Variants in UQCC1 observed in about 807,000 individuals in gnomAD.
The protein encoded by UQCC1 is bFGF-repressed Zic-binding protein.
A neutral mutation model predicts 48.0 loss-of-function variants in UQCC1; 38 were observed. That is an observed-to-expected ratio of 0.79 (90% CI 0.61 to 1.04). UQCC1 has a LOEUF of 1.04. Among genes scored for constraint, UQCC1 ranks in the 50% least tolerant of loss-of-function variants. UQCC1 has a pLI of 0.00. For missense variants in UQCC1, 368 were observed against 381.8 expected (o/e 0.96, Z 0.30); for synonymous variants, 111 against 129.2 (o/e 0.86, Z 0.95).
intron 7 of UQCC1, among the ~76,000 whole-genome samples, chr20:35,321,595 G>T (rs2061130844): frequency 6.6e-6 from 1 of 152,116 alleles, no homozygotes; most frequent in Non-Finnish European, 1.5e-5. Flanking sequence ...TGGCTTACGT[G>T]TATAATCCCC....
chr20:35,324,606 G>A (rs1015863508), intron 7 of UQCC1, among the ~76,000 whole-genome samples: 7 of 152,232 alleles, frequency 4.6e-5, no homozygotes, highest in African/African-American at 9.6e-5. Flanking sequence ...GATTACAGGC[G>A]TGAGCCACCG....
rs1386867521 is a variant in UQCC1, at chr20:35,347,199, A to G, written c.538T>C (p.Trp180Arg). 1 of 1,613,950 alleles carries G rather than the reference A, an allele frequency of 6.2e-7. No individual in the cohort carries two copies. The highest frequency in any genetic ancestry group is 8.5e-7 in the Non-Finnish European group (1 of 1,180,022). ...CTGCCGCGCTGCTGAACATCCTCCCACATAAAATGAACTATGATACGACAC... is the reference window on the plus strand; with the variant it reads ...CTGCCGCGCTGCTGAACATCCTCCCGCATAAAATGAACTATGATACGACAC... ...YMCRIIVHFM[W>R]EDVQQRGRVM... is the part of the protein sequence containing the mutation. Residue 180 changes from tryptophan (W) to arginine (R), a missense_variant, in exon 7 of 10, where the codon TGG becomes CGG. Coordinates refer to ENST00000374385, the MANE Select transcript of UQCC1 (RefSeq NM_018244.5).
intron 7 of UQCC1, among the ~76,000 whole-genome samples, chr20:35,327,030 G>A (rs2061202805): frequency 1.3e-5 from 2 of 152,112 alleles, no homozygotes; most frequent in African/African-American, 2.4e-5. Context: ...CTTTCCCAGC[G>A]ATCCTAAAAT....
chr20:35,386,385 T>C (rs1266379343), intron 2 of UQCC1: 1 of 447,480 alleles, frequency 2.2e-6, no homozygotes. Flanking sequence ...TTTTTTTCTT[T>C]AACCCTAACG....
intron 4 of UQCC1, among the ~76,000 whole-genome samples, chr20:35,378,613 G>C (rs1451553397): frequency 1.3e-5 from 2 of 152,046 alleles, no homozygotes; most frequent in Non-Finnish European, 2.9e-5. Context: ...CTGGGCGACA[G>C]AGCGAGACTC....
chr20:35,398,627 C>T (rs187579940), intron 1 of UQCC1, among the ~76,000 whole-genome samples: 65 of 152,024 alleles, frequency 4.3e-4, no homozygotes, highest in African/African-American at 1.4e-3. Flanking sequence ...AAGTGAGAGA[C>T]AGTTACTGGT....
intron 9 of UQCC1, among the ~76,000 whole-genome samples, chr20:35,305,738 C>A (rs2060921476): frequency 1.3e-5 from 2 of 152,222 alleles, no homozygotes; most frequent in Non-Finnish European, 2.9e-5. Flanking sequence ...TGAAGTCCAG[C>A]CTTGCCTTTC....
At chr20:35,368,129 G>T (rs900891995) in intron 5 of UQCC1, among the ~76,000 whole-genome samples, 4 of 152,216 alleles carry the variant, frequency 2.6e-5, no homozygotes, top group African/African-American at 9.6e-5. Context: ...AATGACTCAA[G>T]AAAGAAGCGC....
chr20:35,376,275 T>C (rs1386613826), intron 4 of UQCC1, among the ~76,000 whole-genome samples: 1 of 151,802 alleles, frequency 6.6e-6, no homozygotes, highest in Non-Finnish European at 1.5e-5. Context: ...GCCACTGCAC[T>C]CCAGCCTGGG....
At chr20:35,321,779 T>C (rs758426109) in intron 7 of UQCC1, among the ~76,000 whole-genome samples, 1 of 152,222 alleles carries the variant, frequency 6.6e-6, no homozygotes, top group Non-Finnish European at 1.5e-5. Context: ...CAAGACTGCA[T>C]AGCCTGATAA....
intron 9 of UQCC1, among the ~76,000 whole-genome samples, chr20:35,304,862 C>T (rs924638412): frequency 6.6e-6 from 1 of 152,210 alleles, no homozygotes; most frequent in African/African-American, 2.4e-5. Context: ...TGAACTCAAC[C>T]CCAGCCTCTC....
chr20:35,393,786 A>G (rs747874115), intron 2 of UQCC1, among the ~76,000 whole-genome samples: 3 of 152,102 alleles, frequency 2.0e-5, no homozygotes, highest in Non-Finnish European at 4.4e-5. Context: ...AAGTAGCACA[A>G]GATGGCCACA....
At chr20:35,394,295 T>G (rs1041479434) in intron 1 of UQCC1, 99 bp from the exon 2 acceptor site, 5 of 1,103,064 alleles carry the variant, frequency 4.5e-6, no homozygotes, top group African/African-American at 1.6e-5. Context: ...ATTAGAAATA[T>G]ATATTTGGCC....
chr20:35,391,722 TC>T (rs1340623139), intron 2 of UQCC1, among the ~76,000 whole-genome samples: 3 of 99,506 alleles, frequency 3.0e-5, no homozygotes, highest in Non-Finnish European at 7.0e-5. Context: ...AAAAGGACAT[TC>T]ATAAAAAAAA....
chr20:35,363,668 C>T (rs893974387), intron 6 of UQCC1, among the ~76,000 whole-genome samples: 2 of 152,156 alleles, frequency 1.3e-5, no homozygotes, highest in African/African-American at 4.8e-5. Flanking sequence ...TGTCAGCGAC[C>T]AGGGTATTTT....
Position 35,384,129 on chromosome 20 carries a change from G to A in UQCC1, c.134C>T (p.Pro45Leu), listed in dbSNP as rs773953034. ...ACATGCTCGGGACTGGCTCATCTGG[G>A]GCCACTGAAGAATAAAAACACAGAT... ...DRALSRTSQWPQMSQSRACGG... is the reference protein window; with the variant it reads ...DRALSRTSQWLQMSQSRACGG... The change falls in exon 3 of 10, where the codon CCC becomes CTC. Residue 45 changes from proline (P) to leucine (L), a missense_variant. Pro to Leu is a moderately conservative substitution (Grantham distance 98). Coordinates refer to ENST00000374385, the MANE Select transcript of UQCC1 (RefSeq NM_018244.5). The A allele has an allele frequency of 2.5e-5, 40 of 1,611,176 alleles. No individual in the cohort carries two copies. Among genetic ancestry groups the A allele is most frequent in the Non-Finnish European group, 3.3e-5 (39 of 1,177,868 alleles).
chr20:35,369,061 C>G (rs1429115170), intron 5 of UQCC1, among the ~76,000 whole-genome samples: 1 of 152,228 alleles, frequency 6.6e-6, no homozygotes, highest in Non-Finnish European at 1.5e-5. Context: ...AAAGGACAAT[C>G]TGTTCAATTG....
Position 35,402,649 on chromosome 20 carries a change from C to T in UQCC1, c.25-8453G>A, listed in dbSNP as rs184691377. Among the ~76,000 whole-genome samples, 1,072 of 151,206 alleles carry T rather than the reference C, an allele frequency of 7.1e-3. 15 individuals are homozygous for T. Among genetic ancestry groups the T allele is most frequent in the African/African-American group, 0.024 (980 of 41,214 alleles). On this transcript the variant is annotated intron_variant, in intron 1 of 9. Transcript: ENST00000374385. ...ATATATATAATATATATAAATTAGC[C>T]GGGCATGGTGGCGCATGCTGGTAAT...
At chr20:35,304,506 G>T (rs1457399599) in intron 9 of UQCC1, 1 of 184,222 alleles carries the variant, frequency 5.4e-6, no homozygotes, top group Non-Finnish European at 1.2e-5. Context: ...TACCCAGGGT[G>T]GCAGCTTCCC....
Sources: allele counts gnomAD v4.1 joint callset (sites outside exome capture counted in the v4.1 genomes callset), GRCh38; gene constraint gnomAD v4.1.1; transcripts MANE v1.5; gene names NCBI Gene and HGNC (gene_info 2026-07-23, HGNC 2026-07-21).